HCRTR2: variants seen among roughly 807,000 people sequenced by gnomAD.
HCRTR2 encodes the protein orexin receptor type 2.
Under a neutral mutation model 49.0 loss-of-function variants are expected in HCRTR2, and 22 were observed. The observed-to-expected ratio is 0.45, with a 90% CI of 0.32 to 0.64. The LOEUF (loss-of-function observed/expected upper bound fraction) is 0.64, where lower values mean the gene tolerates loss of function less well. Ranked by LOEUF, HCRTR2 falls within the 30% of genes least tolerant of loss-of-function variation. HCRTR2 has a pLI of 0.04. For synonymous variants in HCRTR2, 236 were observed against 205.3 expected, an observed-to-expected ratio of 1.15 and a Z score of -1.28; for missense variants, 491 against 559.4, an observed-to-expected ratio of 0.88 and a Z score of 1.23.
chr6:55,229,776 G>A (rs1320335062), intron 1 of HCRTR2, among the ~76,000 whole-genome samples: 1 of 152,128 alleles, frequency 6.6e-6, no homozygotes, highest in Admixed American at 6.5e-5. Flanking sequence ...TATGTAGTTT[G>A]AATTATGAAA....
intron 1 of HCRTR2, among the ~76,000 whole-genome samples, chr6:55,198,124 A>G (rs1447486210): frequency 2.0e-5 from 3 of 152,156 alleles, no homozygotes; most frequent in Non-Finnish European, 4.4e-5. Context: ...TCACGAAACT[A>G]CATGTAGCAC....
intron 2 of HCRTR2, among the ~76,000 whole-genome samples, 161 bp from the exon 3 acceptor site, chr6:55,254,972 TATA>T (rs1766622055): frequency 6.6e-6 from 1 of 152,192 alleles, no homozygotes; most frequent in African/African-American, 2.4e-5. Flanking sequence ...ATTTTTGTGA[TATA>T]ATTTCTTTTT....
At chr6:55,126,182 G>A (rs1764273533) in intron 1 of HCRTR2, among the ~76,000 whole-genome samples, 13 of 152,108 alleles carry the variant, frequency 8.5e-5, no homozygotes, top group Admixed American at 8.5e-4. Context: ...GTGATCTTTT[G>A]GAGGAGAAGA....
chr6:55,231,390 C>A (rs1295336467), intron 1 of HCRTR2, among the ~76,000 whole-genome samples: 2 of 152,130 alleles, frequency 1.3e-5, no homozygotes, highest in Non-Finnish European at 2.9e-5. Context: ...ATAAAATACA[C>A]TGCATTATTC....
intron 3 of HCRTR2, among the ~76,000 whole-genome samples, chr6:55,255,893 T>C (rs575595118): frequency 1.2e-4 from 18 of 152,306 alleles, no homozygotes; most frequent in African/African-American, 4.3e-4. Context: ...TAATCCAAAT[T>C]TGTTTTCTCT....
chr6:55,218,766 T>C (rs1765836265), intron 1 of HCRTR2, among the ~76,000 whole-genome samples: 1 of 152,124 alleles, frequency 6.6e-6, no homozygotes. Flanking sequence ...TATAAACAAA[T>C]ATTAATGGAA....
chr6:55,176,651 A>T (rs1321658520), intron 1 of HCRTR2, among the ~76,000 whole-genome samples: 1 of 152,178 alleles, frequency 6.6e-6, no homozygotes, highest in Non-Finnish European at 1.5e-5. Context: ...AAATAAAATG[A>T]CGTATTAAGG....
At chr6:55,225,708 T>C (rs1178379102) in intron 1 of HCRTR2, among the ~76,000 whole-genome samples, 1 of 152,238 alleles carries the variant, frequency 6.6e-6, no homozygotes. Context: ...ATGAAGGTTA[T>C]GTTATAACTA....
chr6:55,119,871 C>T (rs1292623314), intron 1 of HCRTR2, among the ~76,000 whole-genome samples: 3 of 151,882 alleles, frequency 2.0e-5, no homozygotes, highest in African/African-American at 7.3e-5. Context: ...ATTATATTGC[C>T]CAGGTTTTCT....
At chr6:55,213,639 G>T (rs1765734269) in intron 1 of HCRTR2, among the ~76,000 whole-genome samples, 1 of 152,178 alleles carries the variant, frequency 6.6e-6, no homozygotes, top group African/African-American at 2.4e-5. Context: ...GCATAGCACA[G>T]TGCAATCTAG....
chr6:55,181,336 T>G (rs575456744), intron 1 of HCRTR2, among the ~76,000 whole-genome samples: 6 of 152,302 alleles, frequency 3.9e-5, no homozygotes, highest in African/African-American at 9.6e-5. Context: ...CAATGAGAAG[T>G]GATCTCTTAA....
intron 3 of HCRTR2, among the ~76,000 whole-genome samples, chr6:55,261,121 T>C (rs940434074): frequency 2.6e-5 from 4 of 152,210 alleles, no homozygotes; most frequent in Admixed American, 1.3e-4. Flanking sequence ...ATGGAATCTA[T>C]GCAAGATATA....
At chr6:55,124,450 T>C (rs1462809770) in intron 1 of HCRTR2, among the ~76,000 whole-genome samples, 1 of 152,178 alleles carries the variant, frequency 6.6e-6, no homozygotes, top group African/African-American at 2.4e-5. Context: ...AAGCCTGAGT[T>C]CTAATTTGAT....
At chr6:55,167,490 C>T (rs1452103104) in intron 1 of HCRTR2, among the ~76,000 whole-genome samples, 2 of 151,872 alleles carry the variant, frequency 1.3e-5, no homozygotes, top group Non-Finnish European at 2.9e-5. Flanking sequence ...AAGTAAATTT[C>T]CTCTAACTCA....
chr6:55,170,398 G>T (rs1249272722), upstream of HCRTR2, among the ~76,000 whole-genome samples: 1 of 150,768 alleles, frequency 6.6e-6, no homozygotes, highest in Non-Finnish European at 1.5e-5. Context: ...TAATGGTCAA[G>T]CCAGAATATT....
rs1283088944 is a variant in HCRTR2, at chr6:55,277,390, C to T, written c.773C>T (p.Thr258Ile). 1.2e-6 allele frequency: 2 copies of T among 1,613,340 alleles called. No individual in the cohort carries two copies. Among genetic ancestry groups the T allele is most frequent in the Non-Finnish European group, 8.5e-7 (1 of 1,179,328 alleles). ...RKLWCRQIPG[T>I]SSVVQRKWKP... ...CTCTTCTCCTTTCAGATCCCTGGAA[C>T]ATCATCTGTAGTTCAGAGAAAATGG... The change falls in exon 5 of 7, where the codon ACA becomes ATA. Residue 258 changes from threonine (T) to isoleucine (I), a missense_variant. Transcript: ENST00000370862.
intron 1 of HCRTR2, among the ~76,000 whole-genome samples, chr6:55,220,623 A>T (rs371106437): frequency 2.0e-5 from 3 of 152,176 alleles, no homozygotes; most frequent in African/African-American, 4.8e-5. Flanking sequence ...TAAAAACTGA[A>T]AGCTTTTCCT....
At chr6:55,130,668 A>T (rs555987383) in intron 1 of HCRTR2, among the ~76,000 whole-genome samples, 134 of 151,976 alleles carry the variant, frequency 8.8e-4, no homozygotes, top group Non-Finnish European at 1.5e-3. Context: ...TTAACAAAGC[A>T]CATAGAACCT....
chr6:55,245,290 A>G (rs922139825), intron 1 of HCRTR2, among the ~76,000 whole-genome samples: 2 of 150,332 alleles, frequency 1.3e-5, no homozygotes, highest in Non-Finnish European at 3.0e-5. Context: ...TTCTTTATAA[A>G]TATCTTTTTT....
Sources: gnomAD v4.1 joint callset for allele counts (sites outside exome capture counted in the v4.1 genomes callset) on GRCh38, gnomAD v4.1.1 for gene constraint, MANE v1.5 for transcripts, NCBI Gene and HGNC (gene_info 2026-07-23, HGNC 2026-07-21) for gene names.